Variants in NAALADL2 observed in about 807,000 individuals in gnomAD.
The protein encoded by NAALADL2 is inactive N-acetylated-alpha-linked acidic dipeptidase-like protein 2.
A neutral mutation model predicts 87.2 loss-of-function variants in NAALADL2; 76 were observed. The ratio of observed to expected loss-of-function variants is 0.87; its 90% CI spans 0.72 to 1.05. NAALADL2 has a LOEUF of 1.05. Among genes scored for constraint, NAALADL2 ranks in the 50% least tolerant of loss-of-function variants. The probability of loss-of-function intolerance (pLI) is 0.00; values close to 1 mark genes in which losing one functional copy is unlikely to be tolerated. For synonymous variants in NAALADL2, 354 were observed against 331.0 expected, an observed-to-expected ratio of 1.07 and a Z score of -0.75; for missense variants, 1,089 against 945.8, an observed-to-expected ratio of 1.15 and a Z score of -1.99.
intron 1 of NAALADL2, among the ~76,000 whole-genome samples, chr3:174,908,565 G>A (rs1349273900): frequency 6.6e-6 from 1 of 152,000 alleles, no homozygotes; most frequent in Admixed American, 6.5e-5. Context: ...TATATCTAAT[G>A]AAGAGAAAAA....
chr3:174,673,140 T>C (rs1342017141), intron 2 of NAALADL2, among the ~76,000 whole-genome samples: 3 of 152,066 alleles, frequency 2.0e-5, no homozygotes, highest in African/African-American at 7.2e-5. Context: ...AATGGAATAC[T>C]TTCAGCTGGA....
At chr3:175,262,998 GCA>G (rs1751327354) in intron 4 of NAALADL2, among the ~76,000 whole-genome samples, 1 of 103,162 alleles carries the variant, frequency 9.7e-6, no homozygotes, top group African/African-American at 3.4e-5. Context: ...AGAAGTAATT[GCA>G]AAAAAAAAAA....
intron 2 of NAALADL2, among the ~76,000 whole-genome samples, chr3:174,655,808 C>A (rs893647074): frequency 2.0e-5 from 3 of 152,006 alleles, no homozygotes; most frequent in African/African-American, 7.2e-5. Context: ...ATTTAAATTA[C>A]CTTACTTTAT....
intron 2 of NAALADL2, among the ~76,000 whole-genome samples, chr3:175,231,982 A>G (rs953556461): frequency 2.0e-5 from 3 of 152,104 alleles, no homozygotes; most frequent in East Asian, 1.9e-4. Context: ...CAACAACAAC[A>G]AAACAAGGTG....
intron 2 of NAALADL2, among the ~76,000 whole-genome samples, chr3:174,733,968 A>G (rs1479822580): frequency 2.6e-5 from 4 of 152,186 alleles, no homozygotes; most frequent in South Asian, 2.1e-4. Flanking sequence ...GAAGAAATTC[A>G]GGTAAAACAA....
intron 9 of NAALADL2, among the ~76,000 whole-genome samples, chr3:175,564,504 T>A (rs1716796781): frequency 6.6e-6 from 1 of 152,170 alleles, no homozygotes. Flanking sequence ...ATCACTGACA[T>A]GCTGACACCA....
intron 3 of NAALADL2, among the ~76,000 whole-genome samples, chr3:174,750,823 A>G (rs1189370610): frequency 6.6e-6 from 1 of 152,216 alleles, no homozygotes; most frequent in Non-Finnish European, 1.5e-5. Context: ...TCCTGCCAAT[A>G]GCAAGTTGGG....
At chr3:175,108,235 G>C (rs1050204863) in intron 2 of NAALADL2, among the ~76,000 whole-genome samples, 2 of 151,836 alleles carry the variant, frequency 1.3e-5, no homozygotes, top group African/African-American at 4.8e-5. Context: ...CTAATACAAG[G>C]CAAGCTAATG....
intron 10 of NAALADL2, among the ~76,000 whole-genome samples, chr3:175,582,350 T>G (rs2149577415): frequency 6.6e-6 from 1 of 152,338 alleles, no homozygotes; most frequent in South Asian, 2.1e-4. Flanking sequence ...GCAGTTGTCC[T>G]TGCTTAGAAA....
chr3:175,262,922 T>C (rs1316836888), intron 4 of NAALADL2, among the ~76,000 whole-genome samples: 1 of 151,700 alleles, frequency 6.6e-6, no homozygotes, highest in African/African-American at 2.4e-5. Context: ...AAACACTATC[T>C]TGGTACTTTA....
chr3:174,879,693 A>G (rs905862413), intron 1 of NAALADL2, among the ~76,000 whole-genome samples: 1 of 151,996 alleles, frequency 6.6e-6, no homozygotes, highest in Non-Finnish European at 1.5e-5. Flanking sequence ...CTCACTACTC[A>G]TCTCCTAAAC....
At chr3:174,603,990 A>G (rs949388775) in intron 2 of NAALADL2, among the ~76,000 whole-genome samples, 1 of 152,144 alleles carries the variant, frequency 6.6e-6, no homozygotes, top group African/African-American at 2.4e-5. Context: ...CATATGGTCT[A>G]TCCTTGAGGA....
intron 2 of NAALADL2, among the ~76,000 whole-genome samples, chr3:174,658,918 A>G (rs1172708048): frequency 1.3e-5 from 2 of 151,990 alleles, no homozygotes. Flanking sequence ...TCATTCTAAG[A>G]CTCCACTATT....
At chr3:174,962,438 T>TATGTCATAGTGAC in intron 1 of NAALADL2, among the ~76,000 whole-genome samples, 1 of 131,390 alleles carries the variant, frequency 7.6e-6, no homozygotes, top group African/African-American at 3.4e-5. Context: ...TATATGTATA[T>TATGTCATAGTGAC]TTTTAAGTCT....
chr3:174,822,980 C>A (rs1221400894), intron 3 of NAALADL2, among the ~76,000 whole-genome samples: 1 of 152,194 alleles, frequency 6.6e-6, no homozygotes, highest in Non-Finnish European at 1.5e-5. Context: ...GAACACCACA[C>A]AGAATTCCTC....
At chr3:174,912,725 A>G (rs1259436779) in intron 1 of NAALADL2, among the ~76,000 whole-genome samples, 1 of 152,200 alleles carries the variant, frequency 6.6e-6, no homozygotes, top group Non-Finnish European at 1.5e-5. Flanking sequence ...AATTGTTGGC[A>G]ATGGTCTGTT....
chr3:175,170,729 T>G (rs1409525766), intron 2 of NAALADL2, among the ~76,000 whole-genome samples: 1 of 151,356 alleles, frequency 6.6e-6, no homozygotes, highest in African/African-American at 2.4e-5. Context: ...CAGCCCATAT[T>G]AGGAAATAAT....
intron 2 of NAALADL2, among the ~76,000 whole-genome samples, chr3:175,184,051 C>A (rs2109010522): frequency 6.6e-6 from 1 of 152,128 alleles, no homozygotes; most frequent in South Asian, 2.1e-4. Flanking sequence ...GTTCAATTTT[C>A]TACCATGTTA....
At chr3:174,823,223 C>T (rs1721616414) in intron 3 of NAALADL2, among the ~76,000 whole-genome samples, 1 of 151,634 alleles carries the variant, frequency 6.6e-6, no homozygotes. Context: ...TGTTTGTTTG[C>T]TTGTTTCTTT....
Sources: gnomAD v4.1 joint callset for allele counts (sites outside exome capture counted in the v4.1 genomes callset) on GRCh38, gnomAD v4.1.1 for gene constraint, MANE v1.5 for transcripts, NCBI Gene and HGNC (gene_info 2026-07-23, HGNC 2026-07-21) for gene names.